Variants in SLC26A8 observed in about 807,000 individuals in gnomAD.
The protein encoded by SLC26A8 is testis anion transporter 1.
Under a neutral mutation model 105.0 loss-of-function variants are expected in SLC26A8, and 70 were observed. That is an observed-to-expected ratio of 0.67 (90% CI 0.55 to 0.81). The LOEUF (loss-of-function observed/expected upper bound fraction) is 0.81. SLC26A8 is among the 40% of genes least tolerant of loss of function. SLC26A8 has a pLI of 0.00. For missense variants in SLC26A8, 998 were observed against 1,181.8 expected (o/e 0.84, Z 2.28); for synonymous variants, 415 against 438.3 (o/e 0.95, Z 0.66).
At chr6:36,006,070 T>C (rs1324108629) in intron 3 of SLC26A8, among the ~76,000 whole-genome samples, 4 of 152,190 alleles carry the variant, frequency 2.6e-5, no homozygotes, top group Admixed American at 2.6e-4. Flanking sequence ...TAATGTTCAA[T>C]CCCTTAATCA....
chr6:35,947,322 C>T (rs1042700524), intron 19 of SLC26A8, among the ~76,000 whole-genome samples: 1 of 152,142 alleles, frequency 6.6e-6, no homozygotes, highest in Non-Finnish European at 1.5e-5. Flanking sequence ...TGAGCCACCA[C>T]ACTTGGCCAC....
At chr6:35,974,488 C>G (rs947369392) in intron 10 of SLC26A8, among the ~76,000 whole-genome samples, 2 of 152,224 alleles carry the variant, frequency 1.3e-5, no homozygotes, top group African/African-American at 4.8e-5. Flanking sequence ...TGCAGAAAAT[C>G]TGACCTAGAT....
chr6:35,997,989 G>T, intron 4 of SLC26A8, 70 bp from the exon 5 acceptor site: 1 of 1,419,928 alleles, frequency 7.0e-7, no homozygotes, highest in Non-Finnish European at 9.8e-7. Context: ...CAAAAGCAAG[G>T]TATGGTTGAA....
chr6:35,982,266 C>G, intron 7 of SLC26A8, 63 bp from the exon 8 acceptor site: 1 of 1,536,622 alleles, frequency 6.5e-7, no homozygotes, highest in South Asian at 1.1e-5. Flanking sequence ...TGCATCGCTT[C>G]TAGAAGCAGA....
At chr6:35,962,141 A>G (rs1395101550) in intron 12 of SLC26A8, among the ~76,000 whole-genome samples, 2 of 151,512 alleles carry the variant, frequency 1.3e-5, no homozygotes, top group Non-Finnish European at 2.9e-5. Flanking sequence ...CAGGAGAATC[A>G]CTTGAACCCG....
intron 7 of SLC26A8, among the ~76,000 whole-genome samples, chr6:35,982,515 A>T (rs1489348605): frequency 1.3e-5 from 2 of 152,178 alleles, no homozygotes; most frequent in Non-Finnish European, 2.9e-5. Context: ...TCTTGTTTTA[A>T]TATTTAATAT....
At chr6:35,982,293 G>T in intron 7 of SLC26A8, 90 bp from the exon 8 acceptor site, 1 of 1,277,446 alleles carries the variant, frequency 7.8e-7, no homozygotes, top group Non-Finnish European at 1.1e-6. Flanking sequence ...CATTGCCTCT[G>T]GCAGGACAGA....
intron 11 of SLC26A8, among the ~76,000 whole-genome samples, chr6:35,968,625 A>G (rs867485709): frequency 0.077 from 7,380 of 96,410 alleles, 778 homozygotes; most frequent in African/African-American, 0.3. Flanking sequence ...ATATATATAT[A>G]TATATATATA....
At chr6:35,946,536 G>C (rs1472638411) in intron 19 of SLC26A8, among the ~76,000 whole-genome samples, 2 of 151,946 alleles carry the variant, frequency 1.3e-5, no homozygotes, top group Non-Finnish European at 2.9e-5. Flanking sequence ...ACCTGGCCCA[G>C]GCATTTTGAA....
chr6:36,014,620 G>T (rs548922461), intron 2 of SLC26A8, among the ~76,000 whole-genome samples: 2 of 152,192 alleles, frequency 1.3e-5, no homozygotes, highest in African/African-American at 2.4e-5. Flanking sequence ...GGTGGCTCAT[G>T]CCTGTAATCC....
intron 16 of SLC26A8, among the ~76,000 whole-genome samples, chr6:35,958,021 C>T (rs10456081): frequency 0.17 from 25,651 of 152,144 alleles, 2,305 homozygotes; most frequent in Middle Eastern, 0.23. Context: ...ATCCTAAGAG[C>T]CCCACGTTTA....
intron 7 of SLC26A8, among the ~76,000 whole-genome samples, chr6:35,984,417 G>A (rs1044833041): frequency 1.3e-5 from 2 of 148,246 alleles, no homozygotes; most frequent in Non-Finnish European, 3.0e-5. Context: ...CTACCTCCTG[G>A]GTTCAAGCAA....
chr6:36,010,098 G>C (rs189606670), intron 3 of SLC26A8, among the ~76,000 whole-genome samples: 70 of 152,286 alleles, frequency 4.6e-4, no homozygotes, highest in South Asian at 1.9e-3. Flanking sequence ...TCCAGCTCCA[G>C]CTTAGTAAAA....
intron 11 of SLC26A8, among the ~76,000 whole-genome samples, chr6:35,966,111 A>T (rs1772508832): frequency 6.6e-6 from 1 of 152,038 alleles, no homozygotes; most frequent in Admixed American, 6.6e-5. Context: ...CCTGGGAATT[A>T]GAACTAATCT....
chr6:35,982,298 G>A, intron 7 of SLC26A8, 95 bp from the exon 8 acceptor site: 2 of 1,184,218 alleles, frequency 1.7e-6, no homozygotes, highest in Non-Finnish European at 2.5e-6. Flanking sequence ...CCTCTGGCAG[G>A]ACAGAAAATG....
intron 7 of SLC26A8, among the ~76,000 whole-genome samples, chr6:35,990,612 T>C (rs1054811320): frequency 6.6e-6 from 1 of 152,184 alleles, no homozygotes; most frequent in African/African-American, 2.4e-5. Context: ...AATTTCCTTA[T>C]TGTAGCATAG....
chr6:35,974,623 T>A (rs1483359791), intron 10 of SLC26A8, among the ~76,000 whole-genome samples: 1 of 152,244 alleles, frequency 6.6e-6, no homozygotes, highest in Non-Finnish European at 1.5e-5. Context: ...AATTTTTGCT[T>A]TGCTGCCAAG....
intron 11 of SLC26A8, among the ~76,000 whole-genome samples, chr6:35,962,838 C>T (rs1018308434): frequency 6.6e-6 from 1 of 152,184 alleles, no homozygotes; most frequent in African/African-American, 2.4e-5. Context: ...GGGTCTCGCT[C>T]TTGCCCAGGC....
At chr6:35,989,652 T>C (rs1266467534) in intron 7 of SLC26A8, 1 of 152,016 alleles carries the variant, frequency 6.6e-6, no homozygotes, top group East Asian at 1.9e-4. Flanking sequence ...CAAAATGAAG[T>C]GTTTTGTGGA....
Sources: allele counts gnomAD v4.1 joint callset (sites outside exome capture counted in the v4.1 genomes callset), GRCh38; gene constraint gnomAD v4.1.1; transcripts MANE v1.5; gene names NCBI Gene and HGNC (gene_info 2026-07-23, HGNC 2026-07-21).